The following TMEM209 variants were observed in gnomAD, a reference collection of about 807,000 sequenced individuals.
TMEM209 encodes transmembrane protein 209.
In TMEM209, 65 loss-of-function variants were observed where a neutral mutation model predicts 76.2. The ratio of observed to expected loss-of-function variants is 0.85; its 90% CI spans 0.70 to 1.05. TMEM209 has a LOEUF of 1.05. Among genes scored for constraint, TMEM209 ranks in the 50% least tolerant of loss-of-function variants. TMEM209 has a pLI of 0.00. For missense variants in TMEM209, 623 were observed against 685.5 expected (o/e 0.91, Z 1.02); for synonymous variants, 239 against 237.6 (o/e 1.01, Z -0.06).
At chr7:130,171,205 A>G (rs1797056625) in intron 13 of TMEM209, among the ~76,000 whole-genome samples, 1 of 152,216 alleles carries the variant, frequency 6.6e-6, no homozygotes, top group Non-Finnish European at 1.5e-5. Context: ...TTGGGATAAA[A>G]AAAGCTTTTA....
chr7:130,187,827 T>C (rs182614893), intron 6 of TMEM209, among the ~76,000 whole-genome samples: 64 of 151,994 alleles, frequency 4.2e-4, no homozygotes, highest in Middle Eastern at 3.4e-3. Flanking sequence ...CAGAGGCAAA[T>C]ACAAAACAGC....
At position 130,201,054 on chromosome 7, in the gene TMEM209, A is replaced by G. The variant is rs952676172; in HGVS notation, c.573+796T>C. ...CAGTGAGCTGAGATCACGCCACTGC[A>G]CTCCAGTCTAGGCAACAGAGCGAGA... is the stretch of plus-strand genomic sequence containing the variant. On this transcript the variant is annotated intron_variant, in intron 5 of 14. Coordinates refer to ENST00000397622, the MANE Select transcript of TMEM209 (RefSeq NM_032842.4). Among the ~76,000 whole-genome samples, 107 of 125,802 alleles carry G rather than the reference A, an allele frequency of 8.5e-4. 1 individual carries two copies. Among genetic ancestry groups the G allele is most frequent in the African/African-American group, 3.1e-3 (104 of 33,272 alleles). The allele number at this position is 125,802 out of a possible 152,430, so 82.5% of individuals were successfully genotyped here.
In TMEM209 at chr7:130,201,974, G is replaced by A. The variant is rs1298330562; in HGVS notation, c.449C>T (p.Thr150Ile). ...ACAGCTGGTGGTGAACTTGGGACTG[G>A]TACTGGGCGAACGAGAAGGGCTATA... ...LSYSPSRSPS[T>I]SPKFTTSCMT... is the part of the protein sequence containing the mutation. Residue 150 changes from threonine to isoleucine, a missense_variant, in exon 5 of 15, where the codon ACC (threonine) becomes ATC (isoleucine). Transcript: ENST00000397622. 1 of 1,613,916 alleles carries A rather than the reference G, an allele frequency of 6.2e-7. No individual in the cohort carries two copies. The highest frequency in any genetic ancestry group is 1.3e-5 in the African/African-American group (1 of 75,006).
In TMEM209 at chr7:130,185,212, A is replaced by G. The variant is rs1199656541; in HGVS notation, c.931T>C (p.Ser311Pro). 1.2e-6 allele frequency: 2 copies of G among 1,613,658 alleles called. No homozygotes were observed. Among genetic ancestry groups the G allele is most frequent in the East Asian group, 2.2e-5 (1 of 44,876 alleles). Residue 311 changes from serine (S) to proline (P), a missense_variant, in exon 7 of 15, where the codon TCT becomes CCT. Physicochemically the swap from Ser to Pro is moderately conservative, Grantham distance 74. Coordinates refer to ENST00000397622, the MANE Select transcript of TMEM209 (RefSeq NM_032842.4). ...CTTACCTCTTCTGCGGCTTGTTTAG[A>G]GCTGAGATCGGCTTCATCTTTGTTA... is the stretch of plus-strand genomic sequence containing the variant. ...CANKDEADLSSKQAAEEVWAR... is the reference protein window; with the variant it reads ...CANKDEADLSPKQAAEEVWAR...
chr7:130,185,998 G>A (rs895587043), intron 6 of TMEM209, among the ~76,000 whole-genome samples: 2 of 152,140 alleles, frequency 1.3e-5, no homozygotes, highest in Admixed American at 6.5e-5. Context: ...TCACACTTCC[G>A]GGTTATAGTT....
chr7:130,201,278 CAAG>C (rs973433469), intron 5 of TMEM209, among the ~76,000 whole-genome samples: 2 of 151,894 alleles, frequency 1.3e-5, no homozygotes, highest in South Asian at 2.1e-4. Context: ...TTTTATGCTT[CAAG>C]AAGGAGTCAA....
chr7:130,200,722 T>G (rs1214326026), intron 5 of TMEM209, among the ~76,000 whole-genome samples: 1 of 152,206 alleles, frequency 6.6e-6, no homozygotes, highest in East Asian at 1.9e-4. Flanking sequence ...TTTCACTACA[T>G]ATATACTTTC....
chr7:130,175,652 A>G, intron 10 of TMEM209, 43 bp from the exon 11 acceptor site: 2 of 1,485,488 alleles, frequency 1.3e-6, no homozygotes, highest in Non-Finnish European at 9.1e-7. Flanking sequence ...AGAGTATGCA[A>G]AAAAGAAAAG....
intron 6 of TMEM209, among the ~76,000 whole-genome samples, chr7:130,192,002 G>A (rs556864069): frequency 1.3e-5 from 2 of 152,282 alleles, no homozygotes; most frequent in East Asian, 1.9e-4. Context: ...CCTCGCCACA[G>A]CTGAGTATTA....
chr7:130,176,115 C>CTTT lies in TMEM209; in HGVS notation c.1247-509_1247-507dup, dbSNP rs71178559. 1.6e-3 allele frequency among the ~76,000 whole-genome samples: 230 copies of CTTT among 140,466 alleles called. 1 individual carries two copies. Among genetic ancestry groups the CTTT allele is most frequent in the Non-Finnish European group, 2.5e-3 (160 of 65,016 alleles). 92.2% of individuals were successfully genotyped at this position (140,466 alleles called of 152,430 possible). On this transcript the variant is annotated intron_variant, in intron 10 of 14. Coordinates refer to ENST00000397622, the MANE Select transcript of TMEM209 (RefSeq NM_032842.4). ...AGAACAAGACAGTGTTCACTGTATT[C>CTTT]TTTTTTTTTTTTTTTGAGACAGAGT...
At position 130,180,084 on chromosome 7, in the gene TMEM209, C is replaced by T. The variant is rs962928440; in HGVS notation, c.1120+1539G>A. On this transcript the variant is annotated intron_variant, in intron 9 of 14. Transcript: ENST00000397622. ...ACAAAGATTTAGGTAAGAGGATATG[C>T]ACCGTAGCATTATTGGTAAAGGTAA... is the stretch of plus-strand genomic sequence containing the variant. Among the ~76,000 whole-genome samples the T allele has an allele frequency of 5.3e-5, 8 of 152,132 alleles. No homozygotes were observed. In the East Asian group the frequency reaches 1.5e-3, roughly 29 times the overall value.
rs1405360727 is a variant in TMEM209, at chr7:130,166,381, T to C, written c.*70A>G. The C allele has an allele frequency of 4.6e-6, 6 of 1,291,822 alleles. No individual in the cohort carries two copies. The highest frequency in any genetic ancestry group is 3.2e-6 in the Non-Finnish European group (3 of 932,498). 80.0% of individuals were successfully genotyped at this position (1,291,822 alleles called of 1,614,324 possible). On this transcript the variant is annotated 3_prime_UTR_variant, in exon 15 of 15. Transcript: ENST00000397622. ...ATTTTATTTCAGAAGAGTCAGTGGC[T>C]CAGAGATGTTTAGTTTCGACTTCTG...
At chr7:130,203,298 C>T (rs983643948) in intron 3 of TMEM209, among the ~76,000 whole-genome samples, 4 of 152,082 alleles carry the variant, frequency 2.6e-5, no homozygotes, top group African/African-American at 9.7e-5. Flanking sequence ...CCTTGCTCTC[C>T]CAACTTGGCA....
rs1796837928 is a variant in TMEM209 at position 130,164,904 on chromosome 7, C to A, written c.*1547G>T. The A allele has an allele frequency of 1.3e-5, 2 of 152,090 alleles. No homozygotes were observed. The highest frequency in any genetic ancestry group is 4.8e-5 in the African/African-American group (2 of 41,430). 9.4% of individuals were successfully genotyped at this position (152,090 alleles called of 1,614,324 possible). ...TCATAGCAAATAAATATTCAACATA[C>A]ACCAAAAGTACTTAAAAGAAGCTCC... On this transcript the variant is annotated 3_prime_UTR_variant, in exon 15 of 15. Coordinates refer to ENST00000397622, the MANE Select transcript of TMEM209 (RefSeq NM_032842.4).
chr7:130,201,416 T>C (rs1469263910), intron 5 of TMEM209, among the ~76,000 whole-genome samples: 1 of 151,894 alleles, frequency 6.6e-6, no homozygotes, highest in Non-Finnish European at 1.5e-5. Context: ...AAGAATCATT[T>C]GTACTCATTG....
At chr7:130,197,261 G>A (rs1798019908) in intron 5 of TMEM209, among the ~76,000 whole-genome samples, 1 of 152,088 alleles carries the variant, frequency 6.6e-6, no homozygotes, top group African/African-American at 2.4e-5. Context: ...AACAAAATGT[G>A]GTGTATACAT....
rs76521017 is a variant in TMEM209, at chr7:130,197,758, T to G, written c.573+4092A>C. 2.0e-3 allele frequency among the ~76,000 whole-genome samples: 311 copies of G among 152,372 alleles called. 8 individuals are homozygous for G. In the East Asian group the frequency reaches 0.053, roughly 26 times the overall value. ...AAATATTCATTTTGGTTTACACTTC[T>G]CTGTATCCTTTTCTAAATCTTCCAT... On this transcript the variant is annotated intron_variant, in intron 5 of 14. Coordinates refer to ENST00000397622, the MANE Select transcript of TMEM209 (RefSeq NM_032842.4).
At position 130,184,218 on chromosome 7, in the gene TMEM209, T is replaced by G. The variant is rs755027681; in HGVS notation, c.989A>C (p.Asp330Ala). Residue 330 changes from aspartate to alanine, a missense_variant, in exon 8 of 15, where the codon GAT (aspartate) becomes GCT (alanine). Asp to Ala is a moderately radical substitution (Grantham distance 126). Transcript: ENST00000397622. ...ARVAMNRQLL[D>A]HMDSWTAKFR... is the part of the protein sequence containing the mutation. ...TTTAGCTGTCCATGAATCCATATGA[T>G]CAAGAAGTTGTCTATTCATAGCCAC... 4.4e-6 allele frequency: 7 copies of G among 1,608,196 alleles called. No individual in the cohort carries two copies. In the Admixed American group the frequency reaches 1.2e-4, roughly 27 times the overall value.
At chr7:130,183,925 G>A (rs946849692) in intron 8 of TMEM209, among the ~76,000 whole-genome samples, 1 of 152,094 alleles carries the variant, frequency 6.6e-6, no homozygotes, top group South Asian at 2.1e-4. Context: ...AACTGAAAAG[G>A]GAGGATCTCA....
Sources: gnomAD v4.1 joint callset for allele counts (sites outside exome capture counted in the v4.1 genomes callset) on GRCh38, gnomAD v4.1.1 for gene constraint, MANE v1.5 for transcripts, NCBI Gene and HGNC (gene_info 2026-07-23, HGNC 2026-07-21) for gene names.